Variants in LHPP observed in about 807,000 individuals in gnomAD.
The protein encoded by LHPP is phospholysine phosphohistidine inorganic pyrophosphate phosphatase.
A neutral mutation model predicts 30.3 loss-of-function variants in LHPP; 24 were observed. The ratio of observed to expected loss-of-function variants is 0.79; its 90% CI spans 0.57 to 1.11. LHPP has a LOEUF of 1.11. Ranked by LOEUF, LHPP falls within the 50% of genes most tolerant of loss-of-function variation. The pLI, the probability that LHPP is intolerant of heterozygous loss-of-function variation, is 0.00. For missense variants in LHPP, 356 were observed against 367.2 expected, an observed-to-expected ratio of 0.97 and a Z score of 0.25; for synonymous variants, 150 against 157.1, an observed-to-expected ratio of 0.95 and a Z score of 0.34.
chr10:124,546,064 G>A (rs12221386), intron 6 of LHPP: 10,500 of 148,808 alleles, frequency 0.071, 686 homozygotes, highest in African/African-American at 0.17. Flanking sequence ...TTGCCAAAGC[G>A]CACAAGACCC....
intron 6 of LHPP, among the ~76,000 whole-genome samples, chr10:124,595,120 C>G (rs1245264779): frequency 2.6e-5 from 4 of 152,240 alleles, no homozygotes; most frequent in African/African-American, 9.6e-5. Context: ...ATGGAATGAA[C>G]TCTCCCCAGG....
intron 6 of LHPP, among the ~76,000 whole-genome samples, chr10:124,608,574 A>G (rs976355513): frequency 1.6e-4 from 25 of 152,200 alleles, no homozygotes; most frequent in Non-Finnish European, 8.8e-5. Context: ...TAGGGGGCGG[A>G]GCCAGCTTTA....
intron 5 of LHPP, among the ~76,000 whole-genome samples, chr10:124,505,689 A>C (rs1404801122): frequency 6.6e-6 from 1 of 152,212 alleles, no homozygotes; most frequent in African/African-American, 2.4e-5. Context: ...TAAGCTTCTG[A>C]ATCAGTGGAT....
chr10:124,547,615 GGAT>G (rs1440977834), intron 6 of LHPP, among the ~76,000 whole-genome samples: 1 of 152,270 alleles, frequency 6.6e-6, no homozygotes, highest in Non-Finnish European at 1.5e-5. Flanking sequence ...CCCCTGGCCT[GGAT>G]GCTGTAGCTT....
intron 5 of LHPP, among the ~76,000 whole-genome samples, chr10:124,503,923 G>A (rs1326430573): frequency 6.6e-6 from 1 of 152,210 alleles, no homozygotes; most frequent in African/African-American, 2.4e-5. Flanking sequence ...TGGGCATGGT[G>A]GCTCACACCT....
rs1001356389 is a variant in LHPP, at chr10:124,576,390, C to T, written c.717-36874C>T. Among the ~76,000 whole-genome samples, 7 of 151,212 alleles carry T rather than the reference C, an allele frequency of 4.6e-5. No individual in the cohort carries two copies. The highest frequency in any genetic ancestry group is 1.3e-4 in the Admixed American group (2 of 15,202). On this transcript the variant is annotated intron_variant, in intron 6 of 6. Transcript: ENST00000368842. This position sits in a 1 kb window ranked among gnomAD's most constrained non-coding sequence, Gnocchi z 4.2. Reference sequence around the variant, plus strand: ...GGGGTTGCCCCCAGGACCCCCCTTGCGGTACCCGTATATCCCACCCCCAGA... The same window carrying T: ...GGGGTTGCCCCCAGGACCCCCCTTGTGGTACCCGTATATCCCACCCCCAGA...
intron 4 of LHPP, 120 bp from the exon 5 acceptor site, chr10:124,497,916 C>A (rs1953774466): frequency 1.3e-6 from 1 of 775,992 alleles, no homozygotes; most frequent in Non-Finnish European, 2.2e-6. Flanking sequence ...AGGCCCACAG[C>A]ATCCTGCTTC....
chr10:124,555,523 C>A (rs919482265), intron 6 of LHPP, among the ~76,000 whole-genome samples: 21 of 151,838 alleles, frequency 1.4e-4, no homozygotes, highest in African/African-American at 4.6e-4. Context: ...TCCCTGGACC[C>A]TCCCACAGCC....
At chr10:124,546,459 G>A (rs1955343721) in intron 6 of LHPP, among the ~76,000 whole-genome samples, 1 of 152,210 alleles carries the variant, frequency 6.6e-6, no homozygotes, top group Non-Finnish European at 1.5e-5. Flanking sequence ...CTGGAGTGCA[G>A]TGGCGCGATC....
chr10:124,580,086 A>T (rs1053186872), intron 6 of LHPP, among the ~76,000 whole-genome samples: 4 of 150,324 alleles, frequency 2.7e-5, no homozygotes, highest in Non-Finnish European at 6.0e-5. Flanking sequence ...TGAATTACCT[A>T]TTCATATCCT....
chr10:124,613,351 C>G lies in LHPP; in HGVS notation c.804C>G (p.Ala268=). 1 of 1,611,814 alleles carries G rather than the reference C, an allele frequency of 6.2e-7. No individual in the cohort carries two copies. Among genetic ancestry groups the G allele is most frequent in the East Asian group, 2.2e-5 (1 of 44,852 alleles). ...CAGTGGACCTGCTGCTGCAGCACGC[C>G]GACAAGTGATGGCCTCCTGGGAGAG... ...AEAVDLLLQH[A]DK is the part of the protein sequence containing the mutation. The change falls in exon 7 of 7, where the codon GCC becomes GCG. Residue 268 remains alanine, a synonymous_variant. Coordinates refer to ENST00000368842, the MANE Select transcript of LHPP (RefSeq NM_022126.4).
chr10:124,530,692 C>G (rs1023859371), intron 6 of LHPP, among the ~76,000 whole-genome samples: 5 of 152,228 alleles, frequency 3.3e-5, no homozygotes, highest in Non-Finnish European at 5.9e-5. Context: ...GGGGCCCCAG[C>G]TCCAAGAACC....
At chr10:124,543,534 C>T (rs368962475) in intron 6 of LHPP, among the ~76,000 whole-genome samples, 3 of 152,156 alleles carry the variant, frequency 2.0e-5, no homozygotes, top group Admixed American at 6.5e-5. Context: ...GGGCTCAGGG[C>T]CTTTCTGGAG....
Position 124,484,263 on chromosome 10 carries a change from G to A in LHPP, c.250G>A (p.Ala84Thr), listed in dbSNP as rs1953245354. 1 of 1,613,876 alleles carries A rather than the reference G, an allele frequency of 6.2e-7. No homozygotes were observed. Among genetic ancestry groups the A allele is most frequent in the African/African-American group, 1.3e-5 (1 of 74,926 alleles). Reference protein sequence around the residue: ...DISEQEVTAPAPAACQILKEQ... With the variant: ...DISEQEVTAPTPAACQILKEQ... ...CTCTGAGCAGGAGGTGACCGCCCCG[G>A]CACCAGCTGCCTGCCAGATCCTGAA... Residue 84 changes from alanine to threonine, a missense_variant, in exon 2 of 7, where the codon GCA becomes ACA. Transcript: ENST00000368842.
chr10:124,477,562 C>T (rs1003505034), intron 1 of LHPP, among the ~76,000 whole-genome samples: 2 of 152,276 alleles, frequency 1.3e-5, no homozygotes, highest in East Asian at 3.9e-4. Flanking sequence ...CTGTGAATTT[C>T]TCCATTACCA....
intron 6 of LHPP, among the ~76,000 whole-genome samples, chr10:124,522,659 T>G (rs1252445945): frequency 6.6e-6 from 1 of 151,862 alleles, no homozygotes; most frequent in Non-Finnish European, 1.5e-5. Context: ...TCACAGGGCC[T>G]GGCCTCACTC....
chr10:124,506,633 T>TA (rs764796274), intron 5 of LHPP, among the ~76,000 whole-genome samples: 121 of 143,906 alleles, frequency 8.4e-4, no homozygotes, highest in Admixed American at 3.3e-3. Context: ...GCAGCAGAAT[T>TA]TCTTAGGGAG....
rs371711980 is a variant in LHPP at position 124,504,518 on chromosome 10, T to C, written c.624+6390T>C. On this transcript the variant is annotated intron_variant, in intron 5 of 6. Transcript: ENST00000368842. ...GGGGGGCTGAGGTGGGCAGATTGCT[T>C]GGGCCCAGGAGGTTGAGGTTGCAGC... Among the ~76,000 whole-genome samples the C allele has an allele frequency of 4.0e-5, 6 of 148,638 alleles. No homozygotes were observed. The South Asian group carries it at 1.1e-3, about 26-fold the overall frequency.
chr10:124,496,039 A>G lies in LHPP; in HGVS notation c.468-922A>G, dbSNP rs1186200189. Among the ~76,000 whole-genome samples the G allele has an allele frequency of 6.6e-6, 1 of 152,042 alleles. No individual in the cohort carries two copies. Among genetic ancestry groups the G allele is most frequent in the Non-Finnish European group, 1.5e-5 (1 of 67,994 alleles). ...TACGTGCTTTCTCCACGTCTCCCAT[A>G]TCGTAAGGGCATGGCAGGAGGAGAG... On this transcript the variant is annotated intron_variant, in intron 3 of 6. Transcript: ENST00000368842. The surrounding 1 kb of genome is among the most constrained non-coding windows in gnomAD (Gnocchi z 4.3).
Sources: gnomAD v4.1 joint callset for allele counts (sites outside exome capture counted in the v4.1 genomes callset) on GRCh38, gnomAD v4.1.1 for gene constraint, Gnocchi (gnomAD v3.1) non-coding constraint, MANE v1.5 for transcripts, NCBI Gene and HGNC (gene_info 2026-07-23, HGNC 2026-07-21) for gene names.